BLOC1S3: variants seen among roughly 807,000 people sequenced by gnomAD.
BLOC1S3 encodes biogenesis of lysosomal organelles complex 1 subunit 3.
A neutral mutation model predicts 9.1 loss-of-function variants in BLOC1S3; 7 were observed. That is an observed-to-expected ratio of 0.77 (90% CI 0.44 to 1.45). The LOEUF is 1.45. Ranked by LOEUF, BLOC1S3 falls within the 40% of genes most tolerant of loss-of-function variation. The pLI, the probability that BLOC1S3 is intolerant of heterozygous loss-of-function variation, is 0.01. For missense variants in BLOC1S3, 307 were observed against 315.2 expected, an observed-to-expected ratio of 0.97 and a Z score of 0.20; for synonymous variants, 145 against 158.4, an observed-to-expected ratio of 0.92 and a Z score of 0.64.
At chr19:45,185,610 G>A (rs1969560788), downstream of BLOC1S3, among the ~76,000 whole-genome samples, 1 of 152,036 alleles carries the variant, frequency 6.6e-6, no homozygotes, top group Non-Finnish European at 1.5e-5. Flanking sequence ...GGAAAATCCT[G>A]GGGGTGCTTG....
At chr19:45,188,734 G>A (rs1210857269) in intron 2 of BLOC1S3, among the ~76,000 whole-genome samples, 1 of 151,490 alleles carries the variant, frequency 6.6e-6, no homozygotes, top group African/African-American at 2.4e-5. Context: ...CCCCATGCCT[G>A]GCTAATTTTT....
In BLOC1S3 at chr19:45,194,172, G is replaced by T. The variant is rs544890493; in HGVS notation, n.180+6432G>T. The stretch of plus-strand genomic sequence containing the variant: ...TTGTCGCCCAGGCTAGAGTGCAGTG[G>T]CACGATCTCAGCTCACTGCAACCTC... On this transcript the variant is annotated intron_variant and non_coding_transcript_variant, in intron 2 of 3. Transcript: ENST00000591569. 2.3e-5 allele frequency among the ~76,000 whole-genome samples: 3 copies of T among 128,074 alleles called. No homozygotes were observed. The South Asian group carries it at 8.1e-4, about 35-fold the overall frequency. 84.0% of individuals were successfully genotyped at this position (128,074 alleles called of 152,430 possible).
At chr19:45,198,122 G>A (rs1156991927) in intron 2 of BLOC1S3, among the ~76,000 whole-genome samples, 2 of 152,112 alleles carry the variant, frequency 1.3e-5, no homozygotes, top group African/African-American at 2.4e-5. Context: ...AGGGCAGAGC[G>A]AGAGCAAATG....
intron 2 of BLOC1S3, among the ~76,000 whole-genome samples, chr19:45,192,528 G>A (rs1969613936): frequency 6.6e-6 from 1 of 152,194 alleles, no homozygotes; most frequent in African/African-American, 2.4e-5. Flanking sequence ...GGAATATGCT[G>A]GGTCATATCT....
chr19:45,216,135 C>A, intron 3 of BLOC1S3: 1 of 1,614,028 alleles, frequency 6.2e-7, no homozygotes, highest in Non-Finnish European at 8.5e-7. Context: ...GCGTGTCTTC[C>A]AGCTGCATGA....
chr19:45,214,330 G>C (rs1020184087), intron 3 of BLOC1S3, among the ~76,000 whole-genome samples: 1 of 152,126 alleles, frequency 6.6e-6, no homozygotes, highest in Non-Finnish European at 1.5e-5. Flanking sequence ...GTATGTCTGA[G>C]AATGTGTCTG....
At chr19:45,181,877 C>T (rs925824403), downstream of BLOC1S3, 6 of 165,836 alleles carry the variant, frequency 3.6e-5, no homozygotes, top group East Asian at 5.8e-4. Context: ...ATGGGGGTCC[C>T]GAGACCTCCA....
intron 3 of BLOC1S3, chr19:45,212,950 A>G: frequency 8.4e-7 from 1 of 1,184,028 alleles, no homozygotes; most frequent in Non-Finnish European, 1.1e-6. Context: ...AAGACATCTA[A>G]GGGTCTTTCT....
downstream of BLOC1S3, among the ~76,000 whole-genome samples, chr19:45,183,131 A>C (rs1969538830): frequency 6.6e-6 from 1 of 151,978 alleles, no homozygotes; most frequent in South Asian, 2.1e-4. Context: ...GTTGTGGGGC[A>C]GGGGGGTGCT....
At chr19:45,187,858 A>C (rs1459557824) in intron 2 of BLOC1S3, 1 of 151,784 alleles carries the variant, frequency 6.6e-6, no homozygotes, top group Non-Finnish European at 1.5e-5. Context: ...CCTCCCGTGC[A>C]CTTTATTTTT....
At chr19:45,192,654 G>A (rs530932909) in intron 2 of BLOC1S3, among the ~76,000 whole-genome samples, 2 of 152,266 alleles carry the variant, frequency 1.3e-5, no homozygotes, top group Non-Finnish European at 2.9e-5. Flanking sequence ...CCTGGACTGG[G>A]CTATTTCCTT....
chr19:45,200,070 T>C (rs1005140384), intron 2 of BLOC1S3, among the ~76,000 whole-genome samples: 3 of 152,156 alleles, frequency 2.0e-5, no homozygotes, highest in Non-Finnish European at 2.9e-5. Flanking sequence ...CCGGCCTGAC[T>C]GCATATTTTC....
At chr19:45,188,123 A>T (rs1969579103) in intron 2 of BLOC1S3, among the ~76,000 whole-genome samples, 1 of 152,082 alleles carries the variant, frequency 6.6e-6, no homozygotes, top group Non-Finnish European at 1.5e-5. Context: ...CCTGGGTTCA[A>T]GCAATTCTCC....
intron 2 of BLOC1S3, among the ~76,000 whole-genome samples, chr19:45,190,748 T>C (rs1436724899): frequency 3.4e-5 from 5 of 145,964 alleles, no homozygotes; most frequent in Non-Finnish European, 7.6e-5. Flanking sequence ...CGTATCTCTG[T>C]CTCTCTATGA....
intron 2 of BLOC1S3, among the ~76,000 whole-genome samples, chr19:45,197,922 C>T (rs1252480839): frequency 6.7e-6 from 1 of 148,970 alleles, no homozygotes; most frequent in Non-Finnish European, 1.5e-5. Context: ...GACAGGGGAA[C>T]AAGTCAGAGT....
chr19:45,183,234 CT>C (rs201186372), downstream of BLOC1S3, among the ~76,000 whole-genome samples: 2,989 of 152,164 alleles, frequency 0.02, 73 homozygotes, highest in African/African-American at 0.059. Context: ...AATTCCAGCA[CT>C]TTGGGAGGTC....
upstream of BLOC1S3, chr19:45,187,261 G>A (rs1264306377): frequency 6.6e-6 from 1 of 152,566 alleles, no homozygotes; most frequent in African/African-American, 2.4e-5. Flanking sequence ...CAGGGCCAGG[G>A]GCTAGGGAGG....
Position 45,207,956 on chromosome 19 carries a change from G to A in BLOC1S3, n.282+5449G>A, listed in dbSNP as rs547474629. On this transcript the variant is annotated intron_variant and non_coding_transcript_variant, in intron 3 of 3. Transcript: ENST00000591569. ...GTTAGCATCAGGTAAGTGGATGAAGGGCAAACAAGACCACCATGTACTTTT... is the reference window on the plus strand; with the variant it reads ...GTTAGCATCAGGTAAGTGGATGAAGAGCAAACAAGACCACCATGTACTTTT... Among the ~76,000 whole-genome samples, 3 of 151,954 alleles carry A rather than the reference G, an allele frequency of 2.0e-5. No homozygotes were observed. In the East Asian group the frequency reaches 5.8e-4, roughly 30 times the overall value.
At chr19:45,182,898 C>G (rs555089833), downstream of BLOC1S3, among the ~76,000 whole-genome samples, 104 of 152,126 alleles carry the variant, frequency 6.8e-4, 1 homozygote, top group African/African-American at 2.1e-3. Flanking sequence ...GAAGGTGGAG[C>G]GGGATCCACC....
Sources: gnomAD v4.1 joint callset for allele counts (sites outside exome capture counted in the v4.1 genomes callset) on GRCh38, gnomAD v4.1.1 for gene constraint, MANE v1.5 for transcripts, NCBI Gene and HGNC (gene_info 2026-07-23, HGNC 2026-07-21) for gene names.